The following ELMO1 variants were observed in gnomAD, a reference collection of about 807,000 sequenced individuals.
ELMO1 encodes engulfment and cell motility protein 1.
In ELMO1, 26 loss-of-function variants were observed where a neutral mutation model predicts 98.9. The observed-to-expected ratio is 0.26, with a 90% CI of 0.19 to 0.36. The LOEUF (loss-of-function observed/expected upper bound fraction) is 0.36, where lower values mean the gene tolerates loss of function less well. Among genes scored for constraint, ELMO1 ranks in the 10% least tolerant of loss-of-function variants. The pLI is 1.00. For synonymous variants in ELMO1, 346 were observed against 346.0 expected, an observed-to-expected ratio of 1.00 and a Z score of 0.00; for missense variants, 627 against 935.2, an observed-to-expected ratio of 0.67 and a Z score of 4.30.
chr7:37,446,970 G>T (rs1805642329), intron 1 of ELMO1, among the ~76,000 whole-genome samples: 1 of 152,162 alleles, frequency 6.6e-6, no homozygotes, highest in South Asian at 2.1e-4. Flanking sequence ...TGATGTTTCT[G>T]CAGGGGATCT....
In ELMO1 at chr7:36,899,299, G is replaced by A. The variant is rs1168384020; in HGVS notation, c.1438-4282C>T. Among the ~76,000 whole-genome samples, 9 of 152,146 alleles carry A rather than the reference G, an allele frequency of 5.9e-5. No individual in the cohort carries two copies. In the South Asian group the frequency reaches 1.7e-3, roughly 28 times the overall value. ...TTGATAATATAAAGTATGTTGGGAC[G>A]CTTACAAAGTAGTCCTTATTCCTGC... On this transcript the variant is annotated intron_variant, in intron 16 of 21. Coordinates refer to ENST00000310758, the MANE Select transcript of ELMO1 (RefSeq NM_014800.11).
intron 1 of ELMO1, among the ~76,000 whole-genome samples, chr7:37,347,603 TCA>T (rs1228596612): frequency 6.6e-6 from 1 of 151,956 alleles, no homozygotes; most frequent in Non-Finnish European, 1.5e-5. Flanking sequence ...CACTTGGTTC[TCA>T]TTCTCTCCTG....
chr7:37,313,029 T>G (rs892844858), intron 4 of ELMO1, among the ~76,000 whole-genome samples: 1 of 152,244 alleles, frequency 6.6e-6, no homozygotes, highest in African/African-American at 2.4e-5. Flanking sequence ...TGGATTTCTA[T>G]ATAACCTCTT....
intron 15 of ELMO1, among the ~76,000 whole-genome samples, chr7:37,017,342 A>G (rs1442775776): frequency 6.6e-6 from 1 of 152,174 alleles, no homozygotes; most frequent in African/African-American, 2.4e-5. Flanking sequence ...ACATTGAATG[A>G]GTGTATTTGA....
intron 4 of ELMO1, among the ~76,000 whole-genome samples, chr7:37,281,626 A>C (rs1163804970): frequency 6.6e-6 from 1 of 152,168 alleles, no homozygotes; most frequent in African/African-American, 2.4e-5. Context: ...ATAGCTCGTG[A>C]ATCAGGGGCC....
At chr7:37,161,915 T>TATATATATATATATATATATATATAC (rs1789235911) in intron 13 of ELMO1, among the ~76,000 whole-genome samples, 1 of 86,580 alleles carries the variant, frequency 1.2e-5, no homozygotes, top group Non-Finnish European at 2.5e-5. Context: ...AATATATATA[T>TATATATATATATATATATATATATAC]ATATATATAT....
At chr7:36,948,958 C>T (rs932393723) in intron 16 of ELMO1, among the ~76,000 whole-genome samples, 14 of 152,096 alleles carry the variant, frequency 9.2e-5, no homozygotes, top group Admixed American at 3.9e-4. Flanking sequence ...CAGGTTCAAG[C>T]GATTCTCCTG....
chr7:36,872,176 C>T (rs1803572332), intron 19 of ELMO1, among the ~76,000 whole-genome samples: 1 of 152,204 alleles, frequency 6.6e-6, no homozygotes, highest in South Asian at 2.1e-4. Flanking sequence ...TCCATTCTGT[C>T]TTCCCCTGCT....
intron 15 of ELMO1, among the ~76,000 whole-genome samples, chr7:37,052,148 G>A (rs552069343): frequency 3.3e-5 from 5 of 152,172 alleles, no homozygotes; most frequent in African/African-American, 4.8e-5. Flanking sequence ...ATTTCTGTCT[G>A]TTGAAACCCC....
intron 16 of ELMO1, among the ~76,000 whole-genome samples, chr7:36,980,438 C>A (rs1790950315): frequency 1.3e-5 from 2 of 152,090 alleles, no homozygotes; most frequent in African/African-American, 4.8e-5. Flanking sequence ...AAGTTTGACG[C>A]ATATATGACA....
At chr7:37,264,836 C>G (rs1796159692) in intron 5 of ELMO1, among the ~76,000 whole-genome samples, 1 of 152,162 alleles carries the variant, frequency 6.6e-6, no homozygotes, top group African/African-American at 2.4e-5. Context: ...ACATTTCTCT[C>G]TCTTGAAGAT....
chr7:37,009,338 T>C (rs1793383823), intron 16 of ELMO1, among the ~76,000 whole-genome samples: 2 of 152,222 alleles, frequency 1.3e-5, no homozygotes, highest in African/African-American at 2.4e-5. Flanking sequence ...GAGTGCTATA[T>C]TGAGAAACTG....
intron 6 of ELMO1, among the ~76,000 whole-genome samples, chr7:37,252,339 A>T (rs1288273909): frequency 2.0e-5 from 3 of 152,230 alleles, no homozygotes; most frequent in Non-Finnish European, 4.4e-5. Flanking sequence ...CTATACTACA[A>T]GGCTACAGTA....
chr7:37,291,164 C>T (rs553179879), intron 4 of ELMO1, among the ~76,000 whole-genome samples: 41 of 152,288 alleles, frequency 2.7e-4, no homozygotes, highest in African/African-American at 9.4e-4. Flanking sequence ...CTGGCTGTCT[C>T]CATCAAAAGA....
intron 13 of ELMO1, among the ~76,000 whole-genome samples, chr7:37,185,407 T>C (rs577164985): frequency 6.6e-6 from 1 of 152,336 alleles, no homozygotes; most frequent in East Asian, 1.9e-4. Context: ...AGTAAATGAA[T>C]AGTCCTGAAA....
chr7:37,391,599 G>A (rs1015235687), intron 1 of ELMO1, among the ~76,000 whole-genome samples: 5 of 152,156 alleles, frequency 3.3e-5, no homozygotes, highest in African/African-American at 9.7e-5. Flanking sequence ...AGGTGCACAC[G>A]GCCTTCGTTA....
At chr7:37,225,613 A>C (rs1445272252) in intron 8 of ELMO1, among the ~76,000 whole-genome samples, 1 of 152,244 alleles carries the variant, frequency 6.6e-6, no homozygotes, top group Non-Finnish European at 1.5e-5. Flanking sequence ...TGGTTAAAAC[A>C]AGTTCTTTTC....
chr7:37,181,784 C>T (rs1481879054), intron 13 of ELMO1, among the ~76,000 whole-genome samples: 2 of 152,140 alleles, frequency 1.3e-5, no homozygotes, highest in Non-Finnish European at 2.9e-5. Context: ...AAAGTCAGTA[C>T]TTTGAACAAT....
intron 13 of ELMO1, among the ~76,000 whole-genome samples, chr7:37,180,554 T>A (rs1425973415): frequency 6.6e-6 from 1 of 152,160 alleles, no homozygotes; most frequent in Non-Finnish European, 1.5e-5. Context: ...GAGGACTGCA[T>A]CCTCGTCTAG....
Sources: allele counts gnomAD v4.1 joint callset (sites outside exome capture counted in the v4.1 genomes callset), GRCh38; gene constraint gnomAD v4.1.1; transcripts MANE v1.5; gene names NCBI Gene and HGNC (gene_info 2026-07-23, HGNC 2026-07-21).